The following NLGN1 variants were observed in gnomAD, a reference collection of about 807,000 sequenced individuals.
The protein encoded by NLGN1 is neuroligin-1.
Under a neutral mutation model 65.5 loss-of-function variants are expected in NLGN1, and 12 were observed. The ratio of observed to expected loss-of-function variants is 0.18; its 90% confidence interval spans 0.12 to 0.30. The LOEUF (loss-of-function observed/expected upper bound fraction) is 0.30, where lower values mean the gene tolerates loss of function less well. Among genes scored for constraint, NLGN1 ranks in the 10% least tolerant of loss-of-function variants. The probability of loss-of-function intolerance (pLI) is 1.00; values close to 1 mark genes in which losing one functional copy is unlikely to be tolerated. For missense variants in NLGN1, 750 were observed against 1,007.1 expected, an observed-to-expected ratio of 0.74 and a Z score of 3.46; for synonymous variants, 350 against 359.5, an observed-to-expected ratio of 0.97 and a Z score of 0.30.
chr3:173,871,220 C>T (rs897811161), intron 4 of NLGN1, among the ~76,000 whole-genome samples: 3 of 152,154 alleles, frequency 2.0e-5, no homozygotes, highest in African/African-American at 7.2e-5. Context: ...ACAGATTTCA[C>T]CCTATGTGCC....
Position 173,931,881 on chromosome 3 carries a change from A to G in NLGN1, c.646+124049A>G, listed in dbSNP as rs148512740. ...AGTAGCATTAAGAGTAGTAAGAAGC[A>G]CTGAGAGTATAAATTATCTTGGAAG... On this transcript the variant is annotated intron_variant, in intron 4 of 6. Transcript: ENST00000457714. 6.8e-3 allele frequency among the ~76,000 whole-genome samples: 1,037 copies of G among 152,270 alleles called. 9 individuals carry two copies. The highest frequency in any genetic ancestry group is 0.023 in the African/African-American group (975 of 41,550).
intron 4 of NLGN1, among the ~76,000 whole-genome samples, chr3:173,935,635 C>T (rs57684286): frequency 0.045 from 6,837 of 150,412 alleles, 482 homozygotes; most frequent in African/African-American, 0.15. Context: ...CTCTCTCTCT[C>T]TCTCTCTCTC....
intron 3 of NLGN1, among the ~76,000 whole-genome samples, chr3:173,784,205 T>C (rs561719396): frequency 1.3e-5 from 2 of 152,286 alleles, no homozygotes; most frequent in Admixed American, 1.3e-4. Context: ...TAGAGACTTT[T>C]AGATTATAGA....
intron 4 of NLGN1, among the ~76,000 whole-genome samples, chr3:173,982,491 A>C (rs1718981438): frequency 6.6e-6 from 1 of 152,164 alleles, no homozygotes; most frequent in African/African-American, 2.4e-5. Context: ...GGTCCATAGA[A>C]ATACAGACCT....
chr3:174,281,888 A>G (rs1029218508), exon 7 of NLGN1: 12 of 152,372 alleles, frequency 7.9e-5, no homozygotes, highest in Admixed American at 2.6e-4. Flanking sequence ...AGTTGTGGGG[A>G]TAAAGGAAAC....
exon 7 of NLGN1, chr3:174,281,599 C>T (rs542245251): frequency 3.5e-6 from 1 of 283,910 alleles, no homozygotes; most frequent in Admixed American, 4.7e-5. Flanking sequence ...TGTGGAACAC[C>T]AAACAGGAAA....
chr3:174,283,349 G>C (rs1751761715), exon 7 of NLGN1: 1 of 151,352 alleles, frequency 6.6e-6, no homozygotes, highest in East Asian at 1.9e-4. Flanking sequence ...ATGAAAAAAA[G>C]AAAGATTAGC....
chr3:173,846,095 C>A (rs1055148756), intron 4 of NLGN1, among the ~76,000 whole-genome samples: 7 of 152,064 alleles, frequency 4.6e-5, no homozygotes, highest in African/African-American at 1.7e-4. Flanking sequence ...TGGTGATTTT[C>A]TTCATAAATA....
chr3:173,543,622 A>G (rs115109971), intron 2 of NLGN1, among the ~76,000 whole-genome samples: 3,611 of 152,248 alleles, frequency 0.024, 56 homozygotes, highest in Middle Eastern at 0.051. Context: ...GCCAGATATT[A>G]TAAGTGAAAT....
rs942052124 is a variant in NLGN1 at position 173,798,942 on chromosome 3, A to G, written c.494-8738A>G. On this transcript the variant is annotated intron_variant, in intron 3 of 6. Coordinates refer to ENST00000457714, the Ensembl canonical transcript of NLGN1. ...TTGTGTTTTTCATTCTTTGAGAGTT[A>G]TAATAGTAAATTTAGTTTGGAATTA... 5.1e-4 allele frequency among the ~76,000 whole-genome samples: 78 copies of G among 151,988 alleles called. 2 individuals carry two copies. Among genetic ancestry groups the G allele is most frequent in the Non-Finnish European group, 9.4e-4 (64 of 67,928 alleles).
chr3:173,409,074 A>G (rs1275050092), intron 1 of NLGN1, among the ~76,000 whole-genome samples: 2 of 152,062 alleles, frequency 1.3e-5, no homozygotes, highest in Admixed American at 6.6e-5. Context: ...CTCGTGGGAC[A>G]CTCTACCATA....
intron 4 of NLGN1, among the ~76,000 whole-genome samples, chr3:173,813,578 A>G (rs1190035543): frequency 1.3e-5 from 2 of 152,194 alleles, no homozygotes; most frequent in Admixed American, 6.5e-5. Context: ...TCATTTATTC[A>G]TACTAATTTG....
intron 4 of NLGN1, among the ~76,000 whole-genome samples, chr3:173,813,807 C>A (rs1054710741): frequency 6.6e-6 from 1 of 151,998 alleles, no homozygotes; most frequent in African/African-American, 2.4e-5. Context: ...ACATATTCAC[C>A]AGAAAAAAAT....
chr3:174,286,345 T>A (rs1223113243), exon 7 of NLGN1: 4 of 151,388 alleles, frequency 2.6e-5, no homozygotes, highest in Non-Finnish European at 3.0e-5. Flanking sequence ...TTAAAGCTTT[T>A]AAGAAATTGG....
At chr3:173,733,804 G>A (rs181075801) in intron 3 of NLGN1, among the ~76,000 whole-genome samples, 31 of 152,170 alleles carry the variant, frequency 2.0e-4, no homozygotes, top group Admixed American at 9.2e-4. Flanking sequence ...TTGTCACGGG[G>A]GAGGAACACT....
chr3:174,279,449 C>T lies in NLGN1; in HGVS notation c.1448C>T (p.Thr483Met). ...CTTCACTCAAACTTTGGTTCACCTA[C>T]GTACTTCTATGCCTTTTACCATCAT... The change falls in exon 6 of 7, where the codon ACG becomes ATG. Residue 483 changes from threonine (T) to methionine (M), a missense_variant. Thr to Met is a moderately conservative substitution (Grantham distance 81, BLOSUM62 -1). Coordinates refer to ENST00000457714, the Ensembl canonical transcript of NLGN1. This position sits in a 1 kb window ranked among gnomAD's most constrained non-coding sequence, Gnocchi z 4.7. 1 of 1,613,262 alleles carries T rather than the reference C, an allele frequency of 6.2e-7. No homozygotes were observed. Among genetic ancestry groups the T allele is most frequent in the Non-Finnish European group, 8.5e-7 (1 of 1,179,552 alleles).
intron 4 of NLGN1, among the ~76,000 whole-genome samples, chr3:173,977,154 A>C (rs2152385707): frequency 6.6e-6 from 1 of 151,878 alleles, no homozygotes; most frequent in East Asian, 1.9e-4. Context: ...CAACTGTGAC[A>C]AATGCTGCAA....
intron 4 of NLGN1, among the ~76,000 whole-genome samples, chr3:174,229,559 G>T (rs1037033111): frequency 1.3e-5 from 2 of 152,066 alleles, no homozygotes; most frequent in African/African-American, 2.4e-5. Flanking sequence ...AACATTGTAT[G>T]CTTTCATGTC....
chr3:173,612,002 GT>G lies in NLGN1; in HGVS notation c.493+6920del, dbSNP rs544304206. Among the ~76,000 whole-genome samples, 565 of 151,010 alleles carry G rather than the reference GT, an allele frequency of 3.7e-3. 5 individuals carry two copies. Among genetic ancestry groups the G allele is most frequent in the African/African-American group, 0.013 (525 of 41,194 alleles). Reference sequence around the variant, plus strand: ...TGAGCTTAATAATTAGAATGCAATGGTTTTTTTTTAAGTTGAGTTCTATATT... The same window carrying G: ...TGAGCTTAATAATTAGAATGCAATGGTTTTTTTTAAGTTGAGTTCTATATT... On this transcript the variant is annotated intron_variant, in intron 3 of 6. Transcript: ENST00000457714.
Sources: gnomAD v4.1 joint callset for allele counts (sites outside exome capture counted in the v4.1 genomes callset) on GRCh38, gnomAD v4.1.1 for gene constraint, Gnocchi (gnomAD v3.1) non-coding constraint, MANE v1.5 for transcripts, NCBI Gene and HGNC (gene_info 2026-07-23, HGNC 2026-07-21) for gene names.